Variants in KCNMA1 observed in about 807,000 individuals in gnomAD.
The protein encoded by KCNMA1 is Calcium-activated potassium channel subunit alpha-1.
Under a neutral mutation model 140.0 loss-of-function variants are expected in KCNMA1, and 29 were observed. That is an observed-to-expected ratio of 0.21 (90% CI 0.15 to 0.28). The LOEUF is 0.28. Ranked by LOEUF, KCNMA1 falls within the 10% of genes least tolerant of loss-of-function variation. KCNMA1 has a pLI of 1.00. For synonymous variants in KCNMA1, 612 were observed against 611.9 expected (o/e 1.00, Z 0.00); for missense variants, 880 against 1,602.2 (o/e 0.55, Z 7.70).
intron 5 of KCNMA1, among the ~76,000 whole-genome samples, chr10:77,145,758 A>C (rs548876663): frequency 6.6e-6 from 1 of 152,232 alleles, no homozygotes; most frequent in Non-Finnish European, 1.5e-5. Flanking sequence ...GTAATAGTAC[A>C]TTTATTCAAC....
intron 25 of KCNMA1, among the ~76,000 whole-genome samples, chr10:76,899,906 C>T (rs1001018075): frequency 3.3e-5 from 5 of 151,780 alleles, no homozygotes; most frequent in African/African-American, 1.2e-4. Context: ...AAGTAGGATC[C>T]CCAAAACACC....
chr10:77,025,596 A>T, intron 16 of KCNMA1: 1 of 671,664 alleles, frequency 1.5e-6, no homozygotes, highest in Non-Finnish European at 2.7e-6. Context: ...TTGGCAAAGC[A>T]TGAAAACAGT....
chr10:77,319,221 G>C (rs2081666340), intron 2 of KCNMA1, among the ~76,000 whole-genome samples: 1 of 152,074 alleles, frequency 6.6e-6, no homozygotes, highest in African/African-American at 2.4e-5. Flanking sequence ...CATCCTGAAG[G>C]TTACACTTTT....
intron 1 of KCNMA1, among the ~76,000 whole-genome samples, chr10:77,628,940 G>A (rs977669203): frequency 6.6e-5 from 10 of 152,296 alleles, no homozygotes; most frequent in East Asian, 1.9e-4. Flanking sequence ...CTGTGAATTC[G>A]CTTTGAAATG....
intron 3 of KCNMA1, among the ~76,000 whole-genome samples, chr10:77,197,915 T>C (rs2041117415): frequency 6.6e-6 from 1 of 151,898 alleles, no homozygotes; most frequent in Non-Finnish European, 1.5e-5. Flanking sequence ...CAGAACACTG[T>C]ACAGAGCGCT....
chr10:77,607,748 T>C (rs1423593435), intron 1 of KCNMA1, among the ~76,000 whole-genome samples: 1 of 152,194 alleles, frequency 6.6e-6, no homozygotes, highest in Non-Finnish European at 1.5e-5. Context: ...GCAGACGCTT[T>C]GACTTTAAAA....
intron 1 of KCNMA1, among the ~76,000 whole-genome samples, chr10:77,507,977 C>A (rs918861056): frequency 1.3e-5 from 2 of 152,258 alleles, no homozygotes; most frequent in East Asian, 3.9e-4. Context: ...AGAGGACCAA[C>A]AATAGGGAGA....
chr10:77,203,631 C>T (rs958812805), intron 3 of KCNMA1, among the ~76,000 whole-genome samples: 12 of 151,972 alleles, frequency 7.9e-5, no homozygotes, highest in East Asian at 3.9e-4. Context: ...TCATGGTACC[C>T]GCAAAATAGG....
At chr10:77,391,807 G>A (rs1188635617) in intron 2 of KCNMA1, among the ~76,000 whole-genome samples, 1 of 151,768 alleles carries the variant, frequency 6.6e-6, no homozygotes, top group Non-Finnish European at 1.5e-5. Flanking sequence ...GTGTGGTCCC[G>A]AGTGTGACTT....
chr10:77,205,523 A>G (rs779364917), intron 3 of KCNMA1, among the ~76,000 whole-genome samples: 5 of 152,212 alleles, frequency 3.3e-5, no homozygotes, highest in Admixed American at 6.5e-5. Context: ...ATCTTACTGG[A>G]TATAAATCAA....
At chr10:77,026,671 G>C (rs760974405) in intron 16 of KCNMA1, among the ~76,000 whole-genome samples, 2 of 152,134 alleles carry the variant, frequency 1.3e-5, no homozygotes, top group Non-Finnish European at 2.9e-5. Flanking sequence ...TGGTTGATTT[G>C]GGTTTTCAAA....
chr10:76,882,328 A>G (rs1353501819), downstream of KCNMA1, among the ~76,000 whole-genome samples: 1 of 152,192 alleles, frequency 6.6e-6, no homozygotes, highest in African/African-American at 2.4e-5. Flanking sequence ...AAAAGGCTCA[A>G]AAAGAAAAGA....
rs546093445 is a variant in KCNMA1, at chr10:77,364,172, C to T, written c.540+39690G>A. Among the ~76,000 whole-genome samples, 5 of 152,126 alleles carry T rather than the reference C, an allele frequency of 3.3e-5. No individual in the cohort carries two copies. In the South Asian group the frequency reaches 1.0e-3, roughly 32 times the overall value. Reference sequence around the variant, plus strand: ...ATAAATTAAGAAATCACTGTGCGGCCGGGCGCAGTGGCTCACACCTGTAAT... The same window carrying T: ...ATAAATTAAGAAATCACTGTGCGGCTGGGCGCAGTGGCTCACACCTGTAAT... On this transcript the variant is annotated intron_variant, in intron 2 of 27. Transcript: ENST00000286628.
intron 3 of KCNMA1, among the ~76,000 whole-genome samples, chr10:77,239,925 T>A (rs1228296228): frequency 6.6e-6 from 1 of 152,234 alleles, no homozygotes; most frequent in Non-Finnish European, 1.5e-5. Flanking sequence ...ACCTGTACCT[T>A]ATACCTACAT....
chr10:76,913,731 G>A (rs2051379280), intron 24 of KCNMA1: 3 of 269,206 alleles, frequency 1.1e-5, no homozygotes, highest in South Asian at 8.2e-5. Flanking sequence ...GGGAGAAGGC[G>A]GGAGAGCGGG....
At chr10:77,477,365 C>T (rs1483334719) in intron 1 of KCNMA1, among the ~76,000 whole-genome samples, 1 of 152,166 alleles carries the variant, frequency 6.6e-6, no homozygotes, top group Admixed American at 6.5e-5. Flanking sequence ...TAGAGAAAGG[C>T]AATTTATCAG....
chr10:77,087,706 T>C (rs1302877013), intron 10 of KCNMA1, among the ~76,000 whole-genome samples: 4 of 152,226 alleles, frequency 2.6e-5, no homozygotes, highest in Non-Finnish European at 5.9e-5. Flanking sequence ...AAGTGACCTA[T>C]TTATTCATTT....
At chr10:77,497,714 C>T (rs1244380624) in intron 1 of KCNMA1, among the ~76,000 whole-genome samples, 1 of 152,194 alleles carries the variant, frequency 6.6e-6, no homozygotes, top group Non-Finnish European at 1.5e-5. Context: ...ATGGTCTTCT[C>T]CAATTCAATA....
chr10:76,887,654 C>T (rs983005586), intron 27 of KCNMA1, 139 bp from the exon 28 acceptor site: 2 of 917,570 alleles, frequency 2.2e-6, no homozygotes, highest in African/African-American at 3.3e-5. Context: ...GGTCTGAGGC[C>T]TTAAACATTC....
Sources: gnomAD v4.1 joint callset for allele counts (sites outside exome capture counted in the v4.1 genomes callset) on GRCh38, gnomAD v4.1.1 for gene constraint, MANE v1.5 for transcripts, NCBI Gene and HGNC (gene_info 2026-07-23, HGNC 2026-07-21) for gene names.